FER: variants seen among roughly 807,000 people sequenced by gnomAD.
The protein encoded by FER is FER tyrosine kinase, also known as tyrosine-protein kinase Fer.
Under a neutral mutation model 111.0 loss-of-function variants are expected in FER, and 63 were observed. The ratio of observed to expected loss-of-function variants is 0.57; its 90% CI spans 0.46 to 0.70. FER has a LOEUF of 0.70. Among genes scored for constraint, FER ranks in the 30% least tolerant of loss-of-function variants. The pLI, the probability that FER is intolerant of heterozygous loss-of-function variation, is 0.00. For missense variants in FER, 914 were observed against 954.0 expected (o/e 0.96, Z 0.55); for synonymous variants, 327 against 313.9 (o/e 1.04, Z -0.44).
chr5:109,008,338 C>G (rs1244156237), intron 13 of FER, among the ~76,000 whole-genome samples: 1 of 152,178 alleles, frequency 6.6e-6, no homozygotes, highest in Non-Finnish European at 1.5e-5. Flanking sequence ...CCATTTCCCA[C>G]AGCTATTTCC....
intron 16 of FER, among the ~76,000 whole-genome samples, chr5:109,048,795 T>A (rs960292332): frequency 2.0e-5 from 3 of 151,918 alleles, no homozygotes; most frequent in African/African-American, 7.3e-5. Context: ...TGCTTTAAAT[T>A]TAATTATGAA....
At chr5:108,965,035 C>T (rs891027408) in intron 13 of FER, among the ~76,000 whole-genome samples, 1 of 151,804 alleles carries the variant, frequency 6.6e-6, no homozygotes, top group African/African-American at 2.4e-5. Flanking sequence ...GATTTCCAGG[C>T]ATGGAAACTC....
intron 4 of FER, 61 bp from the exon 5 acceptor site, chr5:108,835,647 G>C (rs1580788875): frequency 1.3e-5 from 14 of 1,118,966 alleles, no homozygotes; most frequent in African/African-American, 6.4e-5. Flanking sequence ...TGGAATTTAA[G>C]TTCTTGAGCA....
chr5:109,149,550 A>G (rs1754592622), intron 17 of FER, among the ~76,000 whole-genome samples: 1 of 152,196 alleles, frequency 6.6e-6, no homozygotes, highest in Non-Finnish European at 1.5e-5. Flanking sequence ...CTAGTTTTGT[A>G]TACCTACACC....
chr5:108,875,115 C>T (rs1764958742), intron 8 of FER, among the ~76,000 whole-genome samples: 1 of 152,084 alleles, frequency 6.6e-6, no homozygotes, highest in Non-Finnish European at 1.5e-5. Flanking sequence ...ATCTATCAGC[C>T]ATATTTATCA....
intron 19 of FER, among the ~76,000 whole-genome samples, chr5:109,187,057 T>C (rs914043852): frequency 1.1e-4 from 17 of 152,226 alleles, no homozygotes; most frequent in Admixed American, 2.6e-4. Context: ...TCATATTGAA[T>C]TCACATTTAT....
At chr5:108,785,447 GA>G (rs1241980080) in intron 2 of FER, 1 of 579,990 alleles carries the variant, frequency 1.7e-6, no homozygotes, top group African/African-American at 1.9e-5. Flanking sequence ...CAGCAAGGCA[GA>G]ACCACCCCAG....
rs555535758 is a variant in FER, at chr5:109,088,992, C to T, written c.1925-11404C>T. 2.0e-5 allele frequency among the ~76,000 whole-genome samples: 3 copies of T among 152,214 alleles called. No homozygotes were observed. The East Asian group carries it at 5.8e-4, about 29-fold the overall frequency. ...TTAAGAGAGATTCTGCAATAGGCTACCCTAGATTTCTGAGGAGTGATTTTC... is the reference window on the plus strand; with the variant it reads ...TTAAGAGAGATTCTGCAATAGGCTATCCTAGATTTCTGAGGAGTGATTTTC... On this transcript the variant is annotated intron_variant, in intron 16 of 19. Coordinates refer to ENST00000281092, the MANE Select transcript of FER (RefSeq NM_005246.4).
At chr5:109,006,861 A>C (rs1433445684) in intron 13 of FER, among the ~76,000 whole-genome samples, 1 of 152,166 alleles carries the variant, frequency 6.6e-6, no homozygotes, top group Non-Finnish European at 1.5e-5. Flanking sequence ...ACCTCCACTT[A>C]ATTAAGATTA....
chr5:109,070,133 AT>A (rs3839303), intron 16 of FER, among the ~76,000 whole-genome samples: 34,662 of 148,956 alleles, frequency 0.23, 4,230 homozygotes, highest in African/African-American at 0.33. Context: ...ATAAAGGTTG[AT>A]TTTTTTTTTT....
intron 17 of FER, among the ~76,000 whole-genome samples, chr5:109,167,102 T>C (rs1756634062): frequency 6.6e-6 from 1 of 152,184 alleles, no homozygotes; most frequent in African/African-American, 2.4e-5. Context: ...TCTTATAGAA[T>C]TGAACTCTTT....
At chr5:109,020,869 C>T (rs573379483) in intron 13 of FER, among the ~76,000 whole-genome samples, 8 of 152,000 alleles carry the variant, frequency 5.3e-5, no homozygotes, top group Admixed American at 2.6e-4. Flanking sequence ...TTATCTCAAT[C>T]GTTTTGAAAT....
intron 13 of FER, among the ~76,000 whole-genome samples, chr5:108,963,943 A>G (rs1456073371): frequency 6.6e-6 from 1 of 152,086 alleles, no homozygotes; most frequent in Non-Finnish European, 1.5e-5. Context: ...TTTTCATTTT[A>G]TAGAGGCTTA....
intron 13 of FER, among the ~76,000 whole-genome samples, chr5:109,005,894 C>G (rs1197697716): frequency 6.6e-6 from 1 of 152,128 alleles, no homozygotes; most frequent in Non-Finnish European, 1.5e-5. Context: ...TTTCACTCAA[C>G]CAGAGTATAA....
intron 16 of FER, among the ~76,000 whole-genome samples, chr5:109,099,198 T>C (rs544348590): frequency 6.6e-6 from 1 of 151,576 alleles, no homozygotes; most frequent in East Asian, 1.9e-4. Context: ...CAATAAACTA[T>C]AAAGTAACTA....
chr5:108,826,685 C>A (rs1380819718), intron 3 of FER, among the ~76,000 whole-genome samples: 3 of 152,180 alleles, frequency 2.0e-5, no homozygotes, highest in Non-Finnish European at 4.4e-5. Context: ...GTCAATTCTT[C>A]TATAAATGTT....
At chr5:109,154,905 C>G (rs889776881) in intron 17 of FER, among the ~76,000 whole-genome samples, 4 of 151,758 alleles carry the variant, frequency 2.6e-5, no homozygotes, top group African/African-American at 9.7e-5. Context: ...GTGTATAAAA[C>G]AGTATTTCTT....
At chr5:109,185,480 G>A (rs554679703) in intron 18 of FER, among the ~76,000 whole-genome samples, 10 of 152,248 alleles carry the variant, frequency 6.6e-5, no homozygotes, top group South Asian at 6.2e-4. Flanking sequence ...GAAAGAAAAC[G>A]AAGTAGGCGT....
chr5:109,101,475 C>T (rs1748230174), intron 17 of FER, among the ~76,000 whole-genome samples: 1 of 151,984 alleles, frequency 6.6e-6, no homozygotes, highest in South Asian at 2.1e-4. Flanking sequence ...CTTAACTATA[C>T]ATTTATTTGA....
Sources: allele counts gnomAD v4.1 joint callset (sites outside exome capture counted in the v4.1 genomes callset), GRCh38; gene constraint gnomAD v4.1.1; transcripts MANE v1.5; gene names NCBI Gene and HGNC (gene_info 2026-07-23, HGNC 2026-07-21).